Variants in RBM20 observed in about 807,000 individuals in gnomAD.
The protein encoded by RBM20 is RNA binding motif protein 20, also known as RNA-binding protein 20.
RBM20 carries 51 observed loss-of-function variants against 110.1 expected under a neutral mutation model. The ratio of observed to expected loss-of-function variants is 0.46; its 90% CI spans 0.37 to 0.59. The LOEUF is 0.59. RBM20 is among the 20% of genes least tolerant of loss of function. The pLI is 0.00. For synonymous variants in RBM20, 589 were observed against 618.2 expected (o/e 0.95, Z 0.70); for missense variants, 1,512 against 1,574.9 (o/e 0.96, Z 0.68).
chr10:110,655,794 T>A (rs1862015682), intron 1 of RBM20, among the ~76,000 whole-genome samples: 1 of 152,132 alleles, frequency 6.6e-6, no homozygotes, highest in Non-Finnish European at 1.5e-5. Flanking sequence ...TGCGACAGGG[T>A]TTACAGTAAA....
At chr10:110,811,116 G>A (rs1844762598) in intron 8 of RBM20, among the ~76,000 whole-genome samples, 1 of 152,198 alleles carries the variant, frequency 6.6e-6, no homozygotes, top group African/African-American at 2.4e-5. Context: ...AACTGCAGGA[G>A]CAGGCACCTG....
At chr10:110,754,943 G>A (rs144200637) in intron 1 of RBM20, among the ~76,000 whole-genome samples, 6 of 152,284 alleles carry the variant, frequency 3.9e-5, no homozygotes, top group African/African-American at 1.4e-4. Flanking sequence ...TATGTGTGGA[G>A]ATCCCCTGAG....
At chr10:110,675,404 G>A (rs1473220852) in intron 1 of RBM20, among the ~76,000 whole-genome samples, 1 of 152,166 alleles carries the variant, frequency 6.6e-6, no homozygotes, top group African/African-American at 2.4e-5. Flanking sequence ...GAGCAGCTGT[G>A]TCTTGCATTC....
intron 9 of RBM20, among the ~76,000 whole-genome samples, chr10:110,814,670 A>G (rs576659272): frequency 1.3e-5 from 2 of 152,142 alleles, no homozygotes; most frequent in South Asian, 2.1e-4. Flanking sequence ...TAATTTTTAT[A>G]TTTTTAGTAG....
chr10:110,717,247 G>A (rs1441254511), intron 1 of RBM20, among the ~76,000 whole-genome samples: 1 of 152,136 alleles, frequency 6.6e-6, no homozygotes, highest in African/African-American at 2.4e-5. Flanking sequence ...TGCAGTGACA[G>A]CCTTCATATT....
chr10:110,820,406 C>T (rs2135119343), intron 10 of RBM20, among the ~76,000 whole-genome samples: 1 of 152,342 alleles, frequency 6.6e-6, no homozygotes, highest in East Asian at 1.9e-4. Context: ...TGCTCACTCT[C>T]CAGCAATTTG....
intron 1 of RBM20, among the ~76,000 whole-genome samples, chr10:110,725,053 C>T (rs1371143436): frequency 6.6e-6 from 1 of 152,188 alleles, no homozygotes; most frequent in Non-Finnish European, 1.5e-5. Flanking sequence ...AAGCAAGTGA[C>T]ACCACTCCAT....
chr10:110,687,825 T>C lies in RBM20; in HGVS notation c.191+43180T>C, dbSNP rs912825735. On this transcript the variant is annotated intron_variant, in intron 1 of 13. Coordinates refer to ENST00000369519, the MANE Select transcript of RBM20 (RefSeq NM_001134363.3). Reference sequence around the variant, plus strand: ...TGTGTCATTGCTGCTTTTTTAAAAATGTTGCATCAACATTTACGATACATA... The same window carrying C: ...TGTGTCATTGCTGCTTTTTTAAAAACGTTGCATCAACATTTACGATACATA... 2.0e-5 allele frequency among the ~76,000 whole-genome samples: 3 copies of C among 152,232 alleles called. No homozygotes were observed. In the East Asian group the frequency reaches 5.8e-4, roughly 29 times the overall value.
chr10:110,659,990 T>C (rs1171574321), intron 1 of RBM20, among the ~76,000 whole-genome samples: 1 of 152,014 alleles, frequency 6.6e-6, no homozygotes, highest in East Asian at 1.9e-4. Context: ...ATTTTTTTTG[T>C]ATTTTTTTGT....
intron 1 of RBM20, among the ~76,000 whole-genome samples, chr10:110,759,032 C>A (rs1410837576): frequency 2.0e-5 from 3 of 152,236 alleles, no homozygotes; most frequent in African/African-American, 4.8e-5. Flanking sequence ...CCCTGCTCAA[C>A]AAAGAACCTA....
intron 1 of RBM20, among the ~76,000 whole-genome samples, chr10:110,765,025 C>T (rs1844061315): frequency 6.6e-6 from 1 of 152,164 alleles, no homozygotes; most frequent in Non-Finnish European, 1.5e-5. Context: ...TTCACAACGG[C>T]AGTTTAACAT....
chr10:110,780,963 A>C lies in RBM20; in HGVS notation c.354A>C (p.Thr118=). 1 of 1,551,738 alleles carries C rather than the reference A, an allele frequency of 6.4e-7. No individual in the cohort carries two copies. The highest frequency in any genetic ancestry group is 8.7e-7 in the Non-Finnish European group (1 of 1,147,000). ...TCACCAACAACACTGCAGCCGCCACAGTCCTGAACCAAGTCCTCTCCAAAG... is the reference window on the plus strand; with the variant it reads ...TCACCAACAACACTGCAGCCGCCACCGTCCTGAACCAAGTCCTCTCCAAAG... ...TAVTNNTAAA[T]VLNQVLSKVA... The change falls in exon 2 of 14, where the codon ACA becomes ACC. Residue 118 remains threonine, a synonymous_variant. Coordinates refer to ENST00000369519, the MANE Select transcript of RBM20 (RefSeq NM_001134363.3).
intron 13 of RBM20, among the ~76,000 whole-genome samples, chr10:110,832,611 T>C (rs1285551585): frequency 6.6e-6 from 1 of 152,182 alleles, no homozygotes; most frequent in African/African-American, 2.4e-5. Context: ...AGAGAAGCTA[T>C]ATAATTCATC....
chr10:110,805,026 G>A (rs1461263448), intron 7 of RBM20, among the ~76,000 whole-genome samples: 1 of 152,158 alleles, frequency 6.6e-6, no homozygotes, highest in Non-Finnish European at 1.5e-5. Flanking sequence ...TCTTGTGAAT[G>A]GTCCATGGTG....
At chr10:110,665,520 C>G (rs1179823340) in intron 1 of RBM20, among the ~76,000 whole-genome samples, 2 of 152,036 alleles carry the variant, frequency 1.3e-5, no homozygotes, top group Non-Finnish European at 2.9e-5. Flanking sequence ...TTTTAAGAAT[C>G]AAAATAGCAG....
At chr10:110,780,201 G>C (rs1483299060) in intron 1 of RBM20, among the ~76,000 whole-genome samples, 4 of 151,986 alleles carry the variant, frequency 2.6e-5, no homozygotes, top group African/African-American at 9.7e-5. Context: ...CAATAGTAAT[G>C]GTTACTTAAT....
chr10:110,835,719 G>T, intron 13 of RBM20, 149 bp from the exon 14 acceptor site: 1 of 642,808 alleles, frequency 1.6e-6, no homozygotes, highest in East Asian at 3.1e-5. Flanking sequence ...TGTAGCCCCA[G>T]TGGGGATCTC....
intron 1 of RBM20, among the ~76,000 whole-genome samples, chr10:110,730,335 C>T (rs1352229623): frequency 1.3e-5 from 2 of 152,348 alleles, no homozygotes; most frequent in South Asian, 4.1e-4. Context: ...TAAGAACATG[C>T]AAATTGAATG....
upstream of RBM20, among the ~76,000 whole-genome samples, chr10:110,643,657 C>T (rs1035495123): frequency 6.6e-6 from 1 of 152,182 alleles, no homozygotes; most frequent in Non-Finnish European, 1.5e-5. Flanking sequence ...GAAAAAGAAA[C>T]CAGAAACCCA....
Sources: gnomAD v4.1 joint callset for allele counts (sites outside exome capture counted in the v4.1 genomes callset) on GRCh38, gnomAD v4.1.1 for gene constraint, MANE v1.5 for transcripts, NCBI Gene and HGNC (gene_info 2026-07-23, HGNC 2026-07-21) for gene names.